The following LRMDA variants were observed in gnomAD, a reference collection of about 807,000 sequenced individuals.
LRMDA encodes leucine-rich melanocyte differentiation-associated protein.
LRMDA carries 18 observed loss-of-function variants against 29.8 expected under a neutral mutation model. The observed-to-expected ratio is 0.60, with a 90% CI of 0.42 to 0.90. The LOEUF (loss-of-function observed/expected upper bound fraction) is 0.90. Ranked by LOEUF, LRMDA falls within the 40% of genes least tolerant of loss-of-function variation. The pLI is 0.00. For missense variants in LRMDA, 273 were observed against 273.9 expected (o/e 1.00, Z 0.02); for synonymous variants, 125 against 109.4 (o/e 1.14, Z -0.89).
At chr10:76,349,712 G>A (rs1841151712) in intron 6 of LRMDA, among the ~76,000 whole-genome samples, 1 of 152,058 alleles carries the variant, frequency 6.6e-6, no homozygotes, top group Non-Finnish European at 1.5e-5. Flanking sequence ...GTGTTACCAA[G>A]GTTGTAGAGC....
At chr10:75,449,449 T>C (rs994426950) in intron 2 of LRMDA, among the ~76,000 whole-genome samples, 10 of 152,132 alleles carry the variant, frequency 6.6e-5, no homozygotes, top group African/African-American at 2.4e-4. Context: ...GGTGTAAATC[T>C]TTTTTCTGTG....
At chr10:75,585,109 G>A (rs1840641061) in intron 2 of LRMDA, among the ~76,000 whole-genome samples, 1 of 152,224 alleles carries the variant, frequency 6.6e-6, no homozygotes, top group South Asian at 2.1e-4. Context: ...CTGGCACCCA[G>A]AACCAGAGAC....
chr10:75,693,883 C>G (rs1239203541), intron 2 of LRMDA, among the ~76,000 whole-genome samples: 2 of 152,140 alleles, frequency 1.3e-5, no homozygotes, highest in African/African-American at 2.4e-5. Context: ...AAGGAGACCT[C>G]TAATAAAAGG....
intron 2 of LRMDA, among the ~76,000 whole-genome samples, chr10:75,698,930 G>T (rs1420926287): frequency 1.3e-5 from 2 of 152,120 alleles, no homozygotes; most frequent in African/African-American, 4.8e-5. Context: ...GCTGGGCATG[G>T]TGGCTCATGC....
intron 6 of LRMDA, among the ~76,000 whole-genome samples, chr10:76,378,037 T>C (rs1353360001): frequency 6.6e-6 from 1 of 152,196 alleles, no homozygotes; most frequent in African/African-American, 2.4e-5. Flanking sequence ...TTTTTCTATT[T>C]GTTTGTGTCA....
rs1265007512 is a variant in LRMDA, at chr10:75,533,780, GGAGA to G, written c.131+95294_131+95297del. Reference sequence around the variant, plus strand: ...AGTTGGGCCCACTCAGAGGATGAGAGGAGAGAGAGAGTCAACGATATTCCACAGA... The same window carrying G: ...AGTTGGGCCCACTCAGAGGATGAGAGGAGAGAGTCAACGATATTCCACAGA... On this transcript the variant is annotated intron_variant, in intron 2 of 6. Coordinates refer to ENST00000611255, the MANE Select transcript of LRMDA (RefSeq NM_001305581.2). Among the ~76,000 whole-genome samples the G allele has an allele frequency of 2.0e-5, 3 of 152,088 alleles. No homozygotes were observed. The South Asian group carries it at 6.2e-4, about 32-fold the overall frequency.
At chr10:75,681,136 T>C (rs1842017679) in intron 2 of LRMDA, among the ~76,000 whole-genome samples, 1 of 152,230 alleles carries the variant, frequency 6.6e-6, no homozygotes, top group Non-Finnish European at 1.5e-5. Context: ...ATTAACATTA[T>C]TGATTTGAGT....
At chr10:76,419,923 A>C (rs1463352294) in intron 6 of LRMDA, among the ~76,000 whole-genome samples, 1 of 152,118 alleles carries the variant, frequency 6.6e-6, no homozygotes, top group Non-Finnish European at 1.5e-5. Flanking sequence ...TGTTATGTGA[A>C]TACACATTGC....
intron 6 of LRMDA, among the ~76,000 whole-genome samples, chr10:76,541,158 G>A (rs1420295139): frequency 2.6e-5 from 4 of 152,146 alleles, no homozygotes; most frequent in Non-Finnish European, 5.9e-5. Context: ...CTTCTAGGCT[G>A]GTGAGAGATC....
At position 75,980,763 on chromosome 10, in the gene LRMDA, A is replaced by G. The variant is rs1426887056; in HGVS notation, c.132-55245A>G. On this transcript the variant is annotated intron_variant, in intron 2 of 6. Transcript: ENST00000611255. ...TTACTCTTCTTACAAATTGTACCTC[A>G]TGATCCATTGAATTTCACTTTCCTA... is the stretch of plus-strand genomic sequence containing the variant. 2.0e-5 allele frequency among the ~76,000 whole-genome samples: 3 copies of G among 152,316 alleles called. No individual in the cohort carries two copies. In the South Asian group the frequency reaches 6.2e-4, roughly 32 times the overall value.
chr10:75,863,430 T>A (rs545121114), intron 2 of LRMDA, among the ~76,000 whole-genome samples: 1 of 152,288 alleles, frequency 6.6e-6, no homozygotes, highest in South Asian at 2.1e-4. Flanking sequence ...GATGATCTGG[T>A]GTTCTGTGGA....
At chr10:75,467,956 T>TCACACACACACACACACA (rs61295526) in intron 2 of LRMDA, among the ~76,000 whole-genome samples, 6 of 130,058 alleles carry the variant, frequency 4.6e-5, no homozygotes, top group Admixed American at 7.6e-5. Context: ...TGAGACTCCG[T>TCACACACACACACACACA]CACACACACA....
intron 2 of LRMDA, among the ~76,000 whole-genome samples, chr10:75,968,135 C>G (rs1487250017): frequency 6.6e-6 from 1 of 151,966 alleles, no homozygotes; most frequent in Non-Finnish European, 1.5e-5. Flanking sequence ...TCCACCTGGT[C>G]TGTGGTCTTG....
chr10:75,521,209 C>G (rs1030287749), intron 2 of LRMDA, among the ~76,000 whole-genome samples: 1 of 152,224 alleles, frequency 6.6e-6, no homozygotes, highest in Admixed American at 6.5e-5. Flanking sequence ...AGAGCTCAAA[C>G]GCCATGCTGG....
chr10:75,980,410 G>A (rs974910446), intron 2 of LRMDA, among the ~76,000 whole-genome samples: 1 of 152,160 alleles, frequency 6.6e-6, no homozygotes. Context: ...TCGCCTACCA[G>A]GGGCCCTTCG....
At chr10:76,407,849 T>C (rs1292625320) in intron 6 of LRMDA, among the ~76,000 whole-genome samples, 1 of 152,234 alleles carries the variant, frequency 6.6e-6, no homozygotes, top group Non-Finnish European at 1.5e-5. Flanking sequence ...TTGTTTTGAA[T>C]TAAAATATGA....
intron 5 of LRMDA, among the ~76,000 whole-genome samples, chr10:76,224,667 C>CTCT (rs1851917062): frequency 9.5e-6 from 1 of 105,376 alleles, no homozygotes; most frequent in Non-Finnish European, 1.9e-5. Flanking sequence ...GTCTAGGACT[C>CTCT]TTTTTTTTTT....
At chr10:76,336,561 A>G (rs887068923) in intron 6 of LRMDA, among the ~76,000 whole-genome samples, 19 of 152,146 alleles carry the variant, frequency 1.2e-4, no homozygotes, top group African/African-American at 4.6e-4. Context: ...ATGTTTCTCA[A>G]CTAAATGACA....
chr10:76,518,621 C>G (rs985210325), intron 6 of LRMDA, among the ~76,000 whole-genome samples: 1 of 151,918 alleles, frequency 6.6e-6, no homozygotes, highest in African/African-American at 2.4e-5. Context: ...TATAAGAGAT[C>G]TTCATTTTGA....
Sources: allele counts gnomAD v4.1 joint callset (sites outside exome capture counted in the v4.1 genomes callset), GRCh38; gene constraint gnomAD v4.1.1; transcripts MANE v1.5; gene names NCBI Gene and HGNC (gene_info 2026-07-23, HGNC 2026-07-21).